The following GRIK5 variants were observed in gnomAD, a reference collection of about 807,000 sequenced individuals.
GRIK5 encodes glutamate receptor ionotropic, kainate 5.
A neutral mutation model predicts 97.4 loss-of-function variants in GRIK5; 43 were observed. The ratio of observed to expected loss-of-function variants is 0.44; its 90% confidence interval spans 0.35 to 0.57. The LOEUF (loss-of-function observed/expected upper bound fraction) is 0.57, where lower values mean the gene tolerates loss of function less well. Among genes scored for constraint, GRIK5 ranks in the 20% least tolerant of loss-of-function variants. The pLI, the probability that GRIK5 is intolerant of heterozygous loss-of-function variation, is 0.01. For missense variants in GRIK5, 1,015 were observed against 1,382.0 expected, an observed-to-expected ratio of 0.73 and a Z score of 4.21; for synonymous variants, 580 against 583.5, an observed-to-expected ratio of 0.99 and a Z score of 0.09.
intron 6 of GRIK5, among the ~76,000 whole-genome samples, chr19:42,058,695 A>G (rs1213956375): frequency 6.7e-6 from 1 of 150,328 alleles, no homozygotes; most frequent in Non-Finnish European, 1.5e-5. Context: ...GTGTGGTGGC[A>G]GGTACCTATA....
At chr19:42,068,161 G>A (rs2076365602) in intron 1 of GRIK5, among the ~76,000 whole-genome samples, 1 of 152,152 alleles carries the variant, frequency 6.6e-6, no homozygotes, top group Non-Finnish European at 1.5e-5. Context: ...AAAGCACCTG[G>A]GAGAGAGAAA....
Position 42,003,538 on chromosome 19 carries a change from C to G in GRIK5, c.2392+17G>C. ...GGAGGGGGCTATGGGAAGGGGACAC[C>G]ATACGCGGGAACTGACCTTTAGCTC... On this transcript the variant is annotated intron_variant, in intron 18 of 19. Transcript: ENST00000593562. This position sits in a 1 kb window ranked among gnomAD's most constrained non-coding sequence, Gnocchi z 4.2. The G allele has an allele frequency of 6.2e-7, 1 of 1,607,514 alleles. No individual in the cohort carries two copies.
rs1413687276 is a variant in GRIK5 at position 42,056,736 on chromosome 19, A to G, written c.829T>C (p.Tyr277His). Residue 277 changes from tyrosine to histidine, a missense_variant, in exon 8 of 20, where the codon TAC becomes CAC. Around this residue, in one of 5 missense-constraint regions of GRIK5, gnomAD observed 477 missense variants for 701.1 expected, o/e 0.68. Transcript: ENST00000593562. ...TTGAGGCTGCGGACAAACTCAGGGT[A>G]GAAGGGGTGGGACGTGTTGAACATG... The part of the protein sequence containing the change: ...FSMFNTSHPF[Y>H]PEFVRSLNMS... The G allele has an allele frequency of 8.1e-6, 13 of 1,613,932 alleles. No individual in the cohort carries two copies. Among genetic ancestry groups the G allele is most frequent in the Non-Finnish European group, 1.1e-5 (13 of 1,179,802 alleles).
intron 11 of GRIK5, among the ~76,000 whole-genome samples, chr19:42,047,545 C>T (rs975002671): frequency 1.3e-5 from 2 of 151,926 alleles, no homozygotes; most frequent in African/African-American, 2.4e-5. Flanking sequence ...GACAAACAGA[C>T]AATAGAATGG....
intron 8 of GRIK5, among the ~76,000 whole-genome samples, chr19:42,055,591 T>C (rs1011126261): frequency 6.6e-6 from 1 of 152,188 alleles, no homozygotes; most frequent in Non-Finnish European, 1.5e-5. Context: ...GTAAGTCTAA[T>C]ATACAGTAAG....
At chr19:42,005,468 C>G (rs2075477747) in intron 17 of GRIK5, among the ~76,000 whole-genome samples, 1 of 152,150 alleles carries the variant, frequency 6.6e-6, no homozygotes, top group African/African-American at 2.4e-5. Context: ...CCCACATATA[C>G]TGAATTGTAT....
At position 42,022,476 on chromosome 19, in the gene GRIK5, G is replaced by T; in HGVS notation, c.1474-122C>A. 6.8e-7 allele frequency: 1 copy of T among 1,479,380 alleles called. No homozygotes were observed. The highest frequency in any genetic ancestry group is 9.0e-7 in the Non-Finnish European group (1 of 1,113,362). 91.6% of individuals were successfully genotyped at this position (1,479,380 alleles called of 1,614,324 possible). A position where few individuals can be genotyped will look rare whatever the true frequency, so the allele number is the denominator to read the frequency against. On this transcript the variant is annotated intron_variant, in intron 12 of 19. Transcript: ENST00000593562. This position sits in a 1 kb window ranked among gnomAD's most constrained non-coding sequence, Gnocchi z 4.2. Reference sequence around the variant, plus strand: ...GAGGCGAGAGAGAGAGAGGTAGGGAGGGGGAGGGGCCAGGAGCATGGACTG... The same window carrying T: ...GAGGCGAGAGAGAGAGAGGTAGGGATGGGGAGGGGCCAGGAGCATGGACTG...
At chr19:42,048,258 C>T (rs1167982697) in intron 11 of GRIK5, among the ~76,000 whole-genome samples, 3 of 152,090 alleles carry the variant, frequency 2.0e-5, no homozygotes, top group African/African-American at 4.8e-5. Flanking sequence ...AAAAGGTAAG[C>T]CACAAAGGGG....
chr19:42,012,770 G>A (rs1035993703), intron 15 of GRIK5, among the ~76,000 whole-genome samples: 1 of 151,904 alleles, frequency 6.6e-6, no homozygotes, highest in Non-Finnish European at 1.5e-5. Context: ...AAGAGGCTGA[G>A]GTGGGAGGAT....
In GRIK5 at chr19:41,998,848, C is replaced by T; in HGVS notation, c.*23G>A. ...GCCCCGTCCCTTCGGTCAGTCCGGG[C>T]GCCCGCACAGCCCCGCCCGTGGTCA... On this transcript the variant is annotated 3_prime_UTR_variant, in exon 20 of 20. Coordinates refer to ENST00000593562, the MANE Select transcript of GRIK5 (RefSeq NM_002088.5). 4.5e-6 allele frequency: 5 copies of T among 1,107,034 alleles called. No homozygotes were observed. Among genetic ancestry groups the T allele is most frequent in the Non-Finnish European group, 5.5e-6 (5 of 905,066 alleles). The allele number at this position is 1,107,034 out of a possible 1,614,324, so 68.6% of individuals were successfully genotyped here.
At chr19:42,043,092 CA>C (rs1201568937) in intron 11 of GRIK5, among the ~76,000 whole-genome samples, 1 of 152,158 alleles carries the variant, frequency 6.6e-6, no homozygotes, top group Non-Finnish European at 1.5e-5. Flanking sequence ...CAAAGTGGAT[CA>C]GGGGCTTTCA....
intron 6 of GRIK5, among the ~76,000 whole-genome samples, chr19:42,058,168 T>A (rs533529321): frequency 6.6e-6 from 1 of 152,170 alleles, no homozygotes; most frequent in East Asian, 1.9e-4. Context: ...AGCAGTGATA[T>A]ATGGGTTTGT....
chr19:42,011,601 C>A (rs1445088240), intron 15 of GRIK5, among the ~76,000 whole-genome samples: 1 of 149,898 alleles, frequency 6.7e-6, no homozygotes, highest in African/African-American at 2.5e-5. Flanking sequence ...ATCCATATTG[C>A]AAACCCAGAA....
Position 42,002,479 on chromosome 19 carries a change from G to A in GRIK5, c.2514+853C>T, listed in dbSNP as rs1020621061. 8.4e-6 allele frequency: 6 copies of A among 717,268 alleles called. No homozygotes were observed. Among genetic ancestry groups the A allele is most frequent in the Non-Finnish European group, 1.3e-5 (5 of 384,948 alleles). The allele number at this position is 717,268 out of a possible 1,614,324, so 44.4% of individuals were successfully genotyped here. On this transcript the variant is annotated intron_variant, in intron 19 of 19. Coordinates refer to ENST00000593562, the MANE Select transcript of GRIK5 (RefSeq NM_002088.5). The surrounding 1 kb of genome is among the most constrained non-coding windows in gnomAD (Gnocchi z 5.2). ...GGGCACCTTTACTAGCAGCATGGAC[G>A]GCTCCTTCAGAGGAGTCCTTGGGCC...
chr19:42,022,471 A>G lies in GRIK5; in HGVS notation c.1474-117T>C. The G allele has an allele frequency of 7.1e-7, 1 of 1,407,152 alleles. No individual in the cohort carries two copies. Among genetic ancestry groups the G allele is most frequent in the East Asian group, 2.7e-5 (1 of 36,416 alleles). 87.2% of individuals were successfully genotyped at this position (1,407,152 alleles called of 1,614,324 possible). A position where few individuals can be genotyped will look rare whatever the true frequency, so the allele number is the denominator to read the frequency against. ...TGAGGGAGGCGAGAGAGAGAGAGGT[A>G]GGGAGGGGGAGGGGCCAGGAGCATG... On this transcript the variant is annotated intron_variant, in intron 12 of 19. Coordinates refer to ENST00000593562, the MANE Select transcript of GRIK5 (RefSeq NM_002088.5). The surrounding 1 kb of genome is among the most constrained non-coding windows in gnomAD (Gnocchi z 4.2).
rs200689716 is a variant in GRIK5, at chr19:42,003,338, G to T, written c.2508C>A (p.Ser836=). ...FIWSTRRSAE[S]EEVSVCQEML... is the part of the protein sequence containing the mutation. Reference sequence around the variant, plus strand: ...CCACCCCCAGCCTCCTCACCTCCTCGGACTCAGCTGACCTCCGTGTGGACC... The same window carrying T: ...CCACCCCCAGCCTCCTCACCTCCTCTGACTCAGCTGACCTCCGTGTGGACC... Residue 836 remains serine (S), a synonymous_variant, in exon 19 of 20, where the codon TCC becomes TCA. Coordinates refer to ENST00000593562, the MANE Select transcript of GRIK5 (RefSeq NM_002088.5). The surrounding 1 kb of genome is among the most constrained non-coding windows in gnomAD (Gnocchi z 4.2). The T allele has an allele frequency of 5.6e-6, 8 of 1,429,040 alleles. No individual in the cohort carries two copies. In the East Asian group the frequency reaches 1.9e-4, roughly 34 times the overall value. The allele number at this position is 1,429,040 out of a possible 1,614,324, so 88.5% of individuals were successfully genotyped here.
rs754647830 is a variant in GRIK5, at chr19:42,065,745, A to G, written c.26T>C (p.Leu9Pro). MPAELLLLLIVAFASPSCQ... is the reference protein window; with the variant it reads MPAELLLLPIVAFASPSCQ... ...GCTGGGGCTGGCGAAGGCAACAATC[A>G]GCAGCAGCAGCAGCTCAGCCGGCAT... Residue 9 changes from leucine to proline, a missense_variant, in exon 2 of 20, where the codon CTG (leucine) becomes CCG (proline). Leu to Pro is a moderately conservative substitution (Grantham distance 98). Coordinates refer to ENST00000593562, the MANE Select transcript of GRIK5 (RefSeq NM_002088.5). This position sits in a 1 kb window ranked among gnomAD's most constrained non-coding sequence, Gnocchi z 5.8. 5 of 1,581,310 alleles carry G rather than the reference A, an allele frequency of 3.2e-6. No individual in the cohort carries two copies. The Admixed American group carries it at 8.8e-5, about 28-fold the overall frequency.
intron 8 of GRIK5, among the ~76,000 whole-genome samples, chr19:42,055,184 A>G (rs576367061): frequency 6.6e-6 from 1 of 152,318 alleles, no homozygotes; most frequent in African/African-American, 2.4e-5. Context: ...TCTGTGACAC[A>G]ACCACGGTGT....
In GRIK5 at chr19:42,065,332, G is replaced by A; in HGVS notation, c.135C>T (p.Ala45=). 1.2e-6 allele frequency: 2 copies of A among 1,610,582 alleles called. No homozygotes were observed. The highest frequency in any genetic ancestry group is 2.2e-5 in the East Asian group (1 of 44,828). ...TCCCGTTGATCTGCTCCCGGGCCAA[G>A]GCCAAGGCCAGACGCTCACCGCGGC... ...VCGRGERLAL[A]LAREQINGII... The change falls in exon 3 of 20, where the codon GCC becomes GCT. Residue 45 remains alanine, a synonymous_variant. Coordinates refer to ENST00000593562, the MANE Select transcript of GRIK5 (RefSeq NM_002088.5). The surrounding 1 kb of genome is among the most constrained non-coding windows in gnomAD (Gnocchi z 5.8).
Sources: gnomAD v4.1 joint callset for allele counts (sites outside exome capture counted in the v4.1 genomes callset) on GRCh38, gnomAD v4.1.1 for gene constraint, gnomAD v4.1.1 regional missense constraint, Gnocchi (gnomAD v3.1) non-coding constraint, MANE v1.5 for transcripts, NCBI Gene and HGNC (gene_info 2026-07-23, HGNC 2026-07-21) for gene names.